SLC24A3: variants seen among roughly 807,000 people sequenced by gnomAD.
SLC24A3 encodes sodium/potassium/calcium exchanger 3.
In SLC24A3, 28 loss-of-function variants were observed where a neutral mutation model predicts 75.8. The ratio of observed to expected loss-of-function variants is 0.37; its 90% CI spans 0.27 to 0.51. The LOEUF is 0.51. SLC24A3 is among the 20% of genes least tolerant of loss of function. The probability of loss-of-function intolerance (pLI) is 0.94; values close to 1 mark genes in which losing one functional copy is unlikely to be tolerated. For synonymous variants in SLC24A3, 372 were observed against 334.1 expected, an observed-to-expected ratio of 1.11 and a Z score of -1.24; for missense variants, 663 against 847.8, an observed-to-expected ratio of 0.78 and a Z score of 2.71.
intron 2 of SLC24A3, among the ~76,000 whole-genome samples, chr20:19,292,986 G>C (rs1052790580): frequency 6.6e-6 from 1 of 152,056 alleles, no homozygotes; most frequent in Admixed American, 6.5e-5. Flanking sequence ...CTTCCCAAAG[G>C]TCTTACCTCC....
intron 2 of SLC24A3, among the ~76,000 whole-genome samples, chr20:19,484,827 A>G (rs1352440312): frequency 2.0e-5 from 3 of 152,214 alleles, no homozygotes; most frequent in Admixed American, 6.5e-5. Flanking sequence ...ATGATGAAAA[A>G]TTTTGTGCTG....
intron 2 of SLC24A3, among the ~76,000 whole-genome samples, chr20:19,448,563 C>T (rs931142779): frequency 1.3e-5 from 2 of 152,170 alleles, no homozygotes; most frequent in African/African-American, 4.8e-5. Flanking sequence ...CAGAAGTAGT[C>T]TTGAGTGGTT....
chr20:19,358,358 T>C (rs1324964339), intron 2 of SLC24A3, among the ~76,000 whole-genome samples: 1 of 152,124 alleles, frequency 6.6e-6, no homozygotes, highest in Non-Finnish European at 1.5e-5. Flanking sequence ...GATGGCCTGT[T>C]ATAGACCTCC....
intron 6 of SLC24A3, among the ~76,000 whole-genome samples, chr20:19,612,419 T>C (rs184708751): frequency 6.2e-4 from 94 of 152,310 alleles, no homozygotes; most frequent in African/African-American, 2.1e-3. Flanking sequence ...GGATTTTTAA[T>C]GTGCACAACA....
In SLC24A3 at chr20:19,721,835, C is replaced by A. The variant is rs997733242; in HGVS notation, c.*695C>A. On this transcript the variant is annotated 3_prime_UTR_variant, in exon 17 of 17. Coordinates refer to ENST00000328041, the MANE Select transcript of SLC24A3 (RefSeq NM_020689.4). ...AGCCACTGGGCAAGGCCACCAAGAA[C>A]AAATGCATGACATTTTATAGCCAAG... The A allele has an allele frequency of 6.5e-6, 1 of 152,714 alleles. No individual in the cohort carries two copies. Among genetic ancestry groups the A allele is most frequent in the Non-Finnish European group, 1.5e-5 (1 of 68,124 alleles). 9.5% of individuals were successfully genotyped at this position (152,714 alleles called of 1,614,324 possible).
At chr20:19,665,937 A>G in intron 8 of SLC24A3, 48 bp downstream of exon 8, 1 of 1,589,448 alleles carries the variant, frequency 6.3e-7, no homozygotes, top group Non-Finnish European at 8.6e-7. Context: ...TATGTTGCAG[A>G]GCCAAATATA....
chr20:19,630,673 A>G (rs1407613011), intron 6 of SLC24A3, among the ~76,000 whole-genome samples: 3 of 152,218 alleles, frequency 2.0e-5, no homozygotes, highest in Non-Finnish European at 4.4e-5. Context: ...GCAATATATA[A>G]CCTCATTTTA....
intron 2 of SLC24A3, among the ~76,000 whole-genome samples, chr20:19,432,280 ATATATATATATAAGAT>A (rs1214983567): frequency 1.4e-5 from 2 of 147,980 alleles, no homozygotes; most frequent in Non-Finnish European, 3.0e-5. Flanking sequence ...TTTTATATAT[ATATATATATATAAGAT>A]TATATATATA....
intron 15 of SLC24A3, among the ~76,000 whole-genome samples, chr20:19,709,453 C>T (rs914120075): frequency 6.6e-6 from 1 of 151,968 alleles, no homozygotes; most frequent in African/African-American, 2.4e-5. Context: ...GAAACCCTGT[C>T]CCTACTAAAA....
chr20:19,284,550 A>C (rs1420095480), intron 2 of SLC24A3: 1 of 152,494 alleles, frequency 6.6e-6, no homozygotes, highest in Non-Finnish European at 1.5e-5. Flanking sequence ...TGCTTGGAGG[A>C]GTGAAGATTT....
intron 6 of SLC24A3, among the ~76,000 whole-genome samples, chr20:19,632,852 C>G (rs945526133): frequency 2.0e-5 from 3 of 152,220 alleles, no homozygotes; most frequent in African/African-American, 7.2e-5. Context: ...TCCTCCAACT[C>G]TTAGGGCTGT....
intron 6 of SLC24A3, among the ~76,000 whole-genome samples, chr20:19,589,839 G>A (rs771866938): frequency 6.6e-6 from 1 of 152,078 alleles, no homozygotes; most frequent in Non-Finnish European, 1.5e-5. Flanking sequence ...TGGATACTGG[G>A]GGATTCAGTA....
chr20:19,397,455 G>A (rs558398833), intron 2 of SLC24A3, among the ~76,000 whole-genome samples: 3 of 152,226 alleles, frequency 2.0e-5, no homozygotes, highest in African/African-American at 7.2e-5. Flanking sequence ...CTTGAGCCCA[G>A]GAGTTGAGCA....
At chr20:19,699,739 C>G (rs1232438912) in intron 15 of SLC24A3, among the ~76,000 whole-genome samples, 1 of 152,168 alleles carries the variant, frequency 6.6e-6, no homozygotes, top group Non-Finnish European at 1.5e-5. Flanking sequence ...TAATTCCTTC[C>G]CTAATGAGTC....
intron 1 of SLC24A3, among the ~76,000 whole-genome samples, chr20:19,238,966 GCACA>G (rs60649887): frequency 3.4e-5 from 5 of 148,862 alleles, no homozygotes; most frequent in South Asian, 2.1e-4. Flanking sequence ...ATGGGCGCAT[GCACA>G]CACACACACA....
intron 13 of SLC24A3, 27 bp from the exon 14 acceptor site, chr20:19,696,770 C>T (rs987748700): frequency 5.8e-6 from 9 of 1,547,748 alleles, no homozygotes; most frequent in Non-Finnish European, 7.1e-6. Flanking sequence ...TGACCCTCAG[C>T]TGACCACCTC....
intron 2 of SLC24A3, among the ~76,000 whole-genome samples, chr20:19,376,227 G>C (rs1018891661): frequency 6.6e-6 from 1 of 152,170 alleles, no homozygotes; most frequent in Admixed American, 6.5e-5. Context: ...TATTTTGTTT[G>C]TAATTTTATT....
At chr20:19,367,533 T>C (rs150138134) in intron 2 of SLC24A3, among the ~76,000 whole-genome samples, 32 of 151,514 alleles carry the variant, frequency 2.1e-4, no homozygotes, top group African/African-American at 7.5e-4. Flanking sequence ...CCCAGAAAAC[T>C]GTGAGTGTTC....
chr20:19,685,325 G>A lies in SLC24A3; in HGVS notation c.1288G>A (p.Asp430Asn). The change falls in exon 12 of 17, where the codon GAT (aspartate) becomes AAT (asparagine). Residue 430 changes from aspartate (D) to asparagine (N), a missense_variant. This residue lies in a region of SLC24A3 where 510 missense variants were observed against 703.6 expected (regional missense o/e 0.72). Transcript: ENST00000328041. ...NDEEEEEDED[D>N]DEGPYTPFDT... ...TGAGGAGGAAGAGGAGGACGAGGATGATGATGAAGGACCGTACACACCATT... is the reference window on the plus strand; with the variant it reads ...TGAGGAGGAAGAGGAGGACGAGGATAATGATGAAGGACCGTACACACCATT... 2.5e-6 allele frequency: 4 copies of A among 1,614,208 alleles called. No homozygotes were observed. The highest frequency in any genetic ancestry group is 3.4e-6 in the Non-Finnish European group (4 of 1,180,038).
Sources: gnomAD v4.1 joint callset for allele counts (sites outside exome capture counted in the v4.1 genomes callset) on GRCh38, gnomAD v4.1.1 for gene constraint, gnomAD v4.1.1 regional missense constraint, MANE v1.5 for transcripts, NCBI Gene and HGNC (gene_info 2026-07-23, HGNC 2026-07-21) for gene names.